Variants in VPS45 observed in about 807,000 individuals in gnomAD.
VPS45 encodes the protein vacuolar protein sorting 45 homolog, also known as vacuolar protein sorting-associated protein 45.
Under a neutral mutation model 75.9 loss-of-function variants are expected in VPS45, and 35 were observed. That is an observed-to-expected ratio of 0.46 (90% CI 0.35 to 0.61). The LOEUF is 0.61. Ranked by LOEUF, VPS45 falls within the 20% of genes least tolerant of loss-of-function variation. The pLI, the probability that VPS45 is intolerant of heterozygous loss-of-function variation, is 0.00. For synonymous variants in VPS45, 220 were observed against 238.2 expected (o/e 0.92, Z 0.70); for missense variants, 559 against 685.9 (o/e 0.81, Z 2.07).
chr1:150,087,033 A>C (rs587677276), intron 10 of VPS45, among the ~76,000 whole-genome samples: 2 of 151,952 alleles, frequency 1.3e-5, no homozygotes, highest in African/African-American at 4.8e-5. Flanking sequence ...TAATAGTTTG[A>C]AATGTGTGTA....
chr1:150,115,999 C>T (rs74127451), intron 14 of VPS45, among the ~76,000 whole-genome samples: 3,280 of 152,172 alleles, frequency 0.022, 97 homozygotes, highest in African/African-American at 0.074. Flanking sequence ...TCTCACTTTC[C>T]AAAGAAGTTA....
rs891280312 is a variant in VPS45 at position 150,126,493 on chromosome 1, G to A, written c.1625+15866G>A. On this transcript the variant is annotated intron_variant, in intron 14 of 14. Transcript: ENST00000644510. ...CTCCCAAAGTGCTGGGATTACAGGC[G>A]TGAGCCACCACACCGGCCTGTTTTT... is the stretch of plus-strand genomic sequence containing the variant. Among the ~76,000 whole-genome samples the A allele has an allele frequency of 7.2e-5, 11 of 152,030 alleles. 1 individual carries two copies. Among genetic ancestry groups the A allele is most frequent in the African/African-American group, 1.2e-4 (5 of 41,398 alleles).
chr1:150,139,086 C>A (rs1659253916), intron 14 of VPS45, among the ~76,000 whole-genome samples: 1 of 152,156 alleles, frequency 6.6e-6, no homozygotes, highest in African/African-American at 2.4e-5. Context: ...TTACTCTTGT[C>A]CCCCAACACC....
At chr1:150,135,478 C>T (rs1173457467) in intron 14 of VPS45, among the ~76,000 whole-genome samples, 1 of 152,054 alleles carries the variant, frequency 6.6e-6, no homozygotes, top group South Asian at 2.1e-4. Flanking sequence ...GTTGGCCAGG[C>T]TGGTCGCGAA....
intron 10 of VPS45, among the ~76,000 whole-genome samples, chr1:150,086,918 A>G (rs1553800794): frequency 6.6e-6 from 1 of 151,908 alleles, no homozygotes; most frequent in Admixed American, 6.6e-5. Context: ...ACTTTACTAC[A>G]TTAATATAGT....
At chr1:150,074,117 C>T (rs1213630152) in intron 3 of VPS45, among the ~76,000 whole-genome samples, 1 of 151,396 alleles carries the variant, frequency 6.6e-6, no homozygotes, top group Non-Finnish European at 1.5e-5. Flanking sequence ...CGGGTTCAAG[C>T]GATTCTCCCA....
At position 150,081,867 on chromosome 1, in the gene VPS45, A is replaced by C. The variant is rs1655733744; in HGVS notation, c.823-17A>C. On this transcript the variant is annotated splice_polypyrimidine_tract_variant and intron_variant, in intron 8 of 14. Transcript: ENST00000644510. ...AGACTAGTTGATGAAGTGTGCTTCC[A>C]ACTTTCTTTTTCACAGAATATGTAC... 6.5e-7 allele frequency: 1 copy of C among 1,527,032 alleles called. No homozygotes were observed. 94.6% of individuals were successfully genotyped at this position (1,527,032 alleles called of 1,614,324 possible). A position where few individuals can be genotyped will look rare whatever the true frequency, so the allele number is the denominator to read the frequency against.
At chr1:150,133,276 G>C (rs945095391) in intron 14 of VPS45, among the ~76,000 whole-genome samples, 1 of 152,162 alleles carries the variant, frequency 6.6e-6, no homozygotes, top group Non-Finnish European at 1.5e-5. Context: ...AAGGCCAGGC[G>C]TGGTGGCTCA....
At chr1:150,069,331 C>CTTGT (rs139134211) in intron 2 of VPS45, among the ~76,000 whole-genome samples, 4,064 of 151,782 alleles carry the variant, frequency 0.027, 164 homozygotes, top group African/African-American at 0.092. Flanking sequence ...ATTCCTGTTC[C>CTTGT]TTGTTTTTTT....
rs1553803458 is a variant in VPS45, at chr1:150,098,287, T to C, written c.1493+4639T>C. 3.3e-5 allele frequency among the ~76,000 whole-genome samples: 5 copies of C among 152,380 alleles called. No homozygotes were observed. In the East Asian group the frequency reaches 9.6e-4, roughly 29 times the overall value. On this transcript the variant is annotated intron_variant, in intron 13 of 14. Transcript: ENST00000644510. Reference sequence around the variant, plus strand: ...TATTGTAATCTTGAAGTAAGTATTATGTTTTGTTAATCTTTGGGGTTTTCA... The same window carrying C: ...TATTGTAATCTTGAAGTAAGTATTACGTTTTGTTAATCTTTGGGGTTTTCA...
chr1:150,120,676 A>G (rs782001144), intron 14 of VPS45, among the ~76,000 whole-genome samples: 1 of 152,152 alleles, frequency 6.6e-6, no homozygotes, highest in Non-Finnish European at 1.5e-5. Context: ...GCTGGTTGTA[A>G]TGAAGCAGAG....
At chr1:150,091,272 T>C (rs1553801886) in intron 10 of VPS45, among the ~76,000 whole-genome samples, 4 of 152,256 alleles carry the variant, frequency 2.6e-5, no homozygotes, top group African/African-American at 9.6e-5. Context: ...AAGTATTTGT[T>C]GACTTGAATT....
intron 13 of VPS45, among the ~76,000 whole-genome samples, chr1:150,097,818 G>A (rs1163447233): frequency 6.6e-6 from 1 of 151,872 alleles, no homozygotes; most frequent in African/African-American, 2.4e-5. Flanking sequence ...ATTTTCACAA[G>A]CACATATATG....
chr1:150,113,938 TA>T lies in VPS45; in HGVS notation c.1625+3313del, dbSNP rs1571884504. On this transcript the variant is annotated intron_variant, in intron 14 of 14. Coordinates refer to ENST00000644510, the MANE Select transcript of VPS45 (RefSeq NM_007259.5). The stretch of plus-strand genomic sequence containing the variant: ...AAGAAGAAGAAATAAAGGCTACACT[TA>T]ATCTATTTCTGCCTTTCTCACAAAT... Among the ~76,000 whole-genome samples the T allele has an allele frequency of 9.2e-5, 14 of 152,242 alleles. 1 individual carries two copies. In the East Asian group the frequency reaches 2.7e-3, roughly 29 times the overall value.
In VPS45 at chr1:150,077,214, C is replaced by T; in HGVS notation, c.559C>T (p.Leu187Phe). The change falls in exon 6 of 15, where the codon CTT becomes TTT. Residue 187 changes from leucine (L) to phenylalanine (F), a missense_variant. Physicochemically the swap from Leu to Phe is conservative, Grantham distance 22. Coordinates refer to ENST00000644510, the MANE Select transcript of VPS45 (RefSeq NM_007259.5). Reference sequence around the variant, plus strand: ...GCTCTCATCAGAGGCAGCAAAGAGACTTGCAGAGTGCGTTAAGGTATGGCA... The same window carrying T: ...GCTCTCATCAGAGGCAGCAAAGAGATTTGCAGAGTGCGTTAAGGTATGGCA... The part of the protein sequence containing the change: ...YQLSSEAAKR[L>F]AECVKQVITK... The T allele has an allele frequency of 1.2e-6, 2 of 1,613,914 alleles. No homozygotes were observed. The highest frequency in any genetic ancestry group is 1.7e-4 in the Middle Eastern group (1 of 6,060).
intron 10 of VPS45, 92 bp downstream of exon 10, chr1:150,082,975 A>G (rs1655800976): frequency 1.6e-5 from 21 of 1,327,000 alleles, no homozygotes; most frequent in Non-Finnish European, 2.0e-5. Context: ...CTTCATCAAC[A>G]TGGAATTTAG....
chr1:150,131,803 G>A (rs1046973364), intron 14 of VPS45, among the ~76,000 whole-genome samples: 2 of 151,346 alleles, frequency 1.3e-5, no homozygotes, highest in African/African-American at 4.8e-5. Context: ...CTATGATCAC[G>A]CCACTGCACT....
intron 14 of VPS45, among the ~76,000 whole-genome samples, chr1:150,113,757 G>T (rs782442180): frequency 6.6e-6 from 1 of 152,038 alleles, no homozygotes; most frequent in Non-Finnish European, 1.5e-5. Flanking sequence ...TTAGCCAGGC[G>T]TGGTGGCAGG....
At chr1:150,099,160 T>A in intron 13 of VPS45, 2 of 763,110 alleles carry the variant, frequency 2.6e-6, no homozygotes. Flanking sequence ...TTTTGAAAGT[T>A]TGTGTTTCCA....
Sources: gnomAD v4.1 joint callset for allele counts (sites outside exome capture counted in the v4.1 genomes callset) on GRCh38, gnomAD v4.1.1 for gene constraint, MANE v1.5 for transcripts, NCBI Gene and HGNC (gene_info 2026-07-23, HGNC 2026-07-21) for gene names.